UNC13C: variants seen among roughly 807,000 people sequenced by gnomAD.
UNC13C encodes unc-13 homolog C, also known as protein unc-13 homolog C.
In UNC13C, 174 loss-of-function variants were observed where a neutral mutation model predicts 245.4. The observed-to-expected ratio is 0.71, with a 90% CI of 0.63 to 0.80. UNC13C has a LOEUF of 0.80. Among genes scored for constraint, UNC13C ranks in the 30% least tolerant of loss-of-function variants. UNC13C has a pLI of 0.00. For missense variants in UNC13C, 2,829 were observed against 2,602.9 expected, an observed-to-expected ratio of 1.09 and a Z score of -1.89; for synonymous variants, 992 against 895.1, an observed-to-expected ratio of 1.11 and a Z score of -1.93.
intron 2 of UNC13C, among the ~76,000 whole-genome samples, chr15:54,140,574 G>T (rs1441139562): frequency 6.6e-6 from 1 of 152,200 alleles, no homozygotes; most frequent in Non-Finnish European, 1.5e-5. Flanking sequence ...CAGAAAGAGA[G>T]GTTGTGCTTC....
chr15:53,866,053 T>C, the UNC13C span, among the ~76,000 whole-genome samples: 15 of 152,108 alleles, frequency 9.9e-5, no homozygotes, highest in Non-Finnish European at 1.9e-4. Context: ...AAAATAAACT[T>C]CTAAAAACTC....
intron 2 of UNC13C, among the ~76,000 whole-genome samples, chr15:54,104,775 C>A (rs1900350149): frequency 6.6e-6 from 1 of 151,908 alleles, no homozygotes; most frequent in African/African-American, 2.4e-5. Context: ...ATTGTATCCA[C>A]CTTTCATATT....
intron 8 of UNC13C, among the ~76,000 whole-genome samples, chr15:54,255,638 T>G (rs1195778687): frequency 6.6e-6 from 1 of 151,418 alleles, no homozygotes; most frequent in Non-Finnish European, 1.5e-5. Context: ...AGCATTAGGG[T>G]TTTTATAGGC....
intron 19 of UNC13C, among the ~76,000 whole-genome samples, chr15:54,483,282 G>A (rs1269571836): frequency 6.6e-6 from 1 of 152,084 alleles, no homozygotes; most frequent in African/African-American, 2.4e-5. Flanking sequence ...ACATAGGCCA[G>A]CCAGGTCACC....
At chr15:54,549,728 TAGTG>T in intron 28 of UNC13C, 37 bp downstream of exon 28, 2 of 1,420,888 alleles carry the variant, frequency 1.4e-6, no homozygotes, top group Non-Finnish European at 2.0e-6. Context: ...TCATGGAAAG[TAGTG>T]AGTTAACTAC....
intron 1 of UNC13C, among the ~76,000 whole-genome samples, chr15:54,008,287 A>G (rs1163546105): frequency 6.6e-6 from 1 of 152,210 alleles, no homozygotes; most frequent in African/African-American, 2.4e-5. Flanking sequence ...TGTTAATCGC[A>G]TGACCTTAAG....
intron 2 of UNC13C, among the ~76,000 whole-genome samples, chr15:54,056,055 A>T (rs1289095691): frequency 2.6e-5 from 4 of 152,114 alleles, no homozygotes; most frequent in African/African-American, 9.7e-5. Context: ...TCAAGAAATT[A>T]ACATCCAGCT....
At chr15:54,558,471 A>T (rs1272163485) in intron 29 of UNC13C, among the ~76,000 whole-genome samples, 1 of 152,062 alleles carries the variant, frequency 6.6e-6, no homozygotes, top group Non-Finnish European at 1.5e-5. Context: ...ATACTTCTTC[A>T]AAGAGATTAC....
intron 20 of UNC13C, among the ~76,000 whole-genome samples, chr15:54,497,039 A>T (rs2141092732): frequency 6.6e-6 from 1 of 152,254 alleles, no homozygotes; most frequent in Admixed American, 6.6e-5. Flanking sequence ...CTGTATGCCT[A>T]AGTTGTTGGT....
intron 17 of UNC13C, among the ~76,000 whole-genome samples, chr15:54,385,021 G>T (rs1364314399): frequency 6.6e-6 from 1 of 152,086 alleles, no homozygotes; most frequent in East Asian, 1.9e-4. Flanking sequence ...TCAGATGCTG[G>T]CAAGGACGTG....
the UNC13C span, among the ~76,000 whole-genome samples, chr15:53,859,887 A>G: frequency 6.6e-6 from 1 of 152,044 alleles, no homozygotes; most frequent in Admixed American, 6.6e-5. Context: ...GTTTTGGACT[A>G]TGTGTTCTCC....
intron 4 of UNC13C, among the ~76,000 whole-genome samples, chr15:54,185,899 T>C (rs1345111679): frequency 6.6e-6 from 1 of 151,406 alleles, no homozygotes; most frequent in Non-Finnish European, 1.5e-5. Context: ...TTCCTACCCA[T>C]GAGCATGGAA....
chr15:54,113,864 A>T (rs2030014706), intron 2 of UNC13C, among the ~76,000 whole-genome samples: 2 of 152,180 alleles, frequency 1.3e-5, no homozygotes, highest in South Asian at 2.1e-4. Context: ...TTAAGTTTAC[A>T]TAGTTTAAAA....
chr15:54,148,919 C>T (rs1466753270), intron 4 of UNC13C, among the ~76,000 whole-genome samples: 1 of 152,098 alleles, frequency 6.6e-6, no homozygotes, highest in Non-Finnish European at 1.5e-5. Flanking sequence ...GAGGAAGGAG[C>T]CGTTGTCTTT....
intron 19 of UNC13C, among the ~76,000 whole-genome samples, chr15:54,439,682 G>A (rs998253634): frequency 2.0e-5 from 3 of 151,582 alleles, no homozygotes; most frequent in East Asian, 2.0e-4. Flanking sequence ...ATATTTATGG[G>A]GTACATGTGA....
chr15:54,406,587 T>C (rs1362299012), intron 18 of UNC13C, among the ~76,000 whole-genome samples: 2 of 152,186 alleles, frequency 1.3e-5, no homozygotes, highest in East Asian at 3.9e-4. Context: ...AAAAATGTTA[T>C]TCCCCTTATT....
chr15:54,510,690 T>G (rs1038767781), intron 23 of UNC13C, among the ~76,000 whole-genome samples: 1 of 152,294 alleles, frequency 6.6e-6, no homozygotes, highest in Non-Finnish European at 1.5e-5. Flanking sequence ...ATCTTTCCAC[T>G]GATAAGAGCT....
chr15:54,232,929 G>A (rs1230328746), intron 4 of UNC13C, among the ~76,000 whole-genome samples: 1 of 152,130 alleles, frequency 6.6e-6, no homozygotes, highest in African/African-American at 2.4e-5. Context: ...GAATGTGGAA[G>A]GGTCAAGTAT....
At chr15:54,397,315 G>A (rs904139927) in intron 18 of UNC13C, among the ~76,000 whole-genome samples, 2 of 151,276 alleles carry the variant, frequency 1.3e-5, no homozygotes, top group Non-Finnish European at 3.0e-5. Flanking sequence ...TGGCATCTTG[G>A]AGAAAACTCA....
Sources: gnomAD v4.1 joint callset for allele counts (sites outside exome capture counted in the v4.1 genomes callset) on GRCh38, gnomAD v4.1.1 for gene constraint, MANE v1.5 for transcripts, NCBI Gene and HGNC (gene_info 2026-07-23, HGNC 2026-07-21) for gene names.